TMEM132C: variants seen among roughly 807,000 people sequenced by gnomAD.
TMEM132C encodes the protein protein phosphatase 1, regulatory subunit 152.
A neutral mutation model predicts 61.4 loss-of-function variants in TMEM132C; 29 were observed. The ratio of observed to expected loss-of-function variants is 0.47; its 90% CI spans 0.35 to 0.64. The LOEUF is 0.64. TMEM132C is among the 30% of genes least tolerant of loss of function. The pLI is 0.00. For missense variants in TMEM132C, 1,408 were observed against 1,476.9 expected (o/e 0.95, Z 0.76); for synonymous variants, 656 against 633.1 (o/e 1.04, Z -0.54).
Position 128,513,447 on chromosome 12 carries a change from C to G in TMEM132C, c.975-30510C>G, listed in dbSNP as rs1872627536. 2.0e-5 allele frequency among the ~76,000 whole-genome samples: 3 copies of G among 152,282 alleles called. No individual in the cohort carries two copies. In the South Asian group the frequency reaches 6.2e-4, roughly 32 times the overall value. ...CTTAATTCCTTTGCCCTGCCCTCGT[C>G]AGGGAGAAAGGAATAATCCACAGTG... On this transcript the variant is annotated intron_variant, in intron 2 of 8. Transcript: ENST00000435159.
intron 7 of TMEM132C, 87 bp from the exon 8 acceptor site, chr12:128,697,137 T>C: frequency 8.0e-7 from 1 of 1,255,128 alleles, no homozygotes; most frequent in East Asian, 2.6e-5. Flanking sequence ...CTCAGGCCTG[T>C]TGGGATGGAA....
At chr12:128,471,357 T>A in intron 2 of TMEM132C, among the ~76,000 whole-genome samples, 1 of 152,126 alleles carries the variant, frequency 6.6e-6, no homozygotes, top group East Asian at 1.9e-4. Flanking sequence ...AGGCATTAAT[T>A]TAGGGAGGTG....
chr12:128,654,848 A>G (rs760738360), intron 4 of TMEM132C, among the ~76,000 whole-genome samples: 2 of 152,168 alleles, frequency 1.3e-5, no homozygotes, highest in East Asian at 1.9e-4. Flanking sequence ...CAGCCTCCCT[A>G]TGGATGGGCC....
chr12:128,347,643 G>A (rs2135959878), intron 1 of TMEM132C, among the ~76,000 whole-genome samples: 1 of 152,288 alleles, frequency 6.6e-6, no homozygotes, highest in Non-Finnish European at 1.5e-5. Context: ...GGTCAGGCTG[G>A]TCTTGAACTC....
At chr12:128,416,448 AT>A in intron 2 of TMEM132C, among the ~76,000 whole-genome samples, 1 of 152,370 alleles carries the variant, frequency 6.6e-6, no homozygotes, top group East Asian at 1.9e-4. Flanking sequence ...TGTTTAAAAA[AT>A]AAATGGGATA....
intron 5 of TMEM132C, among the ~76,000 whole-genome samples, chr12:128,686,099 T>TGTGTGTTGTGTGCGC (rs1566014990): frequency 1.3e-5 from 2 of 149,186 alleles, no homozygotes; most frequent in Non-Finnish European, 3.0e-5. Context: ...TGTGTGCGCA[T>TGTGTGTTGTGTGCGC]GTGTGTGCAT....
At chr12:128,298,282 G>T (rs563967909) in intron 1 of TMEM132C, among the ~76,000 whole-genome samples, 10 of 152,102 alleles carry the variant, frequency 6.6e-5, no homozygotes, top group Non-Finnish European at 1.2e-4. Context: ...AGGTTCTCCC[G>T]CCCTCTCCTC....
intron 2 of TMEM132C, among the ~76,000 whole-genome samples, chr12:128,538,079 C>T (rs1873597752): frequency 6.6e-6 from 1 of 151,878 alleles, no homozygotes; most frequent in Non-Finnish European, 1.5e-5. Flanking sequence ...TACAGGCACA[C>T]TCTGTCATAT....
chr12:128,367,416 G>C (rs1873902980), intron 1 of TMEM132C, among the ~76,000 whole-genome samples: 1 of 152,170 alleles, frequency 6.6e-6, no homozygotes, highest in Admixed American at 6.5e-5. Context: ...AGGTGTTTTT[G>C]GCAGCTTCAC....
chr12:128,527,268 C>T (rs1873117727), intron 2 of TMEM132C, among the ~76,000 whole-genome samples: 1 of 152,146 alleles, frequency 6.6e-6, no homozygotes, highest in Admixed American at 6.5e-5. Context: ...AAGAAAGTGG[C>T]CAGGATGTGA....
At chr12:128,327,068 C>T (rs992848327) in intron 1 of TMEM132C, among the ~76,000 whole-genome samples, 1 of 150,038 alleles carries the variant, frequency 6.7e-6, no homozygotes, top group Non-Finnish European at 1.5e-5. Context: ...GAGTCAGTGT[C>T]ATATCACACC....
chr12:128,434,530 C>A (rs1201171925), intron 2 of TMEM132C, among the ~76,000 whole-genome samples: 1 of 151,892 alleles, frequency 6.6e-6, no homozygotes, highest in East Asian at 1.9e-4. Flanking sequence ...TCAAGTGATC[C>A]GCCTGCCTCG....
Position 128,693,928 on chromosome 12 carries a change from C to T in TMEM132C, c.1549C>T (p.Leu517=), listed in dbSNP as rs770672112. 5 of 1,551,674 alleles carry T rather than the reference C, an allele frequency of 3.2e-6. No homozygotes were observed. The Admixed American group carries it at 7.8e-5, about 24-fold the overall frequency. ...NFTYQYLSAP[L]CVTVWVPRLP... ...CACATACCAGTACCTGAGCGCCCCC[C>T]TGTGTGTCACCGTGTGGGTGCCCCG... The change falls in exon 6 of 9, where the codon CTG becomes TTG. Residue 517 remains leucine, a synonymous_variant. Transcript: ENST00000435159.
chr12:128,665,785 ACACAGGCACACACACATT>A lies in TMEM132C; in HGVS notation c.1306-3604_1306-3587del, dbSNP rs1225121148. 8.5e-4 allele frequency among the ~76,000 whole-genome samples: 124 copies of A among 145,084 alleles called. 3 individuals carry two copies. The East Asian group carries it at 0.015, about 18-fold the overall frequency. On this transcript the variant is annotated intron_variant, in intron 4 of 8. Coordinates refer to ENST00000435159, the MANE Select transcript of TMEM132C (RefSeq NM_001136103.3). ...CTCATAAGCACACAGGCACTCACACACACAGGCACACACACATTCACAGGCACACACACATTCACAGGC... is the reference window on the plus strand; with the variant it reads ...CTCATAAGCACACAGGCACTCACACACACAGGCACACACACATTCACAGGC...
At chr12:128,539,479 G>A (rs1460465570) in intron 2 of TMEM132C, among the ~76,000 whole-genome samples, 4 of 152,172 alleles carry the variant, frequency 2.6e-5, no homozygotes, top group Non-Finnish European at 4.4e-5. Context: ...TTAGCTGGGC[G>A]TGGCGGTGGT....
At chr12:128,375,572 A>G (rs561556966) in intron 1 of TMEM132C, among the ~76,000 whole-genome samples, 5 of 152,080 alleles carry the variant, frequency 3.3e-5, no homozygotes, top group Admixed American at 2.6e-4. Context: ...TAAGGAAACA[A>G]GCCATTAGAT....
intron 2 of TMEM132C, among the ~76,000 whole-genome samples, chr12:128,478,955 G>C (rs1871240883): frequency 6.6e-6 from 1 of 152,196 alleles, no homozygotes; most frequent in African/African-American, 2.4e-5. Flanking sequence ...GACCTCATAA[G>C]GCTGGCCTAT....
chr12:128,430,417 T>G lies in TMEM132C; in HGVS notation c.974+14797T>G, dbSNP rs148216194. On this transcript the variant is annotated intron_variant, in intron 2 of 8. Coordinates refer to ENST00000435159, the MANE Select transcript of TMEM132C (RefSeq NM_001136103.3). ...TTACGTGACCTTAACCTTGCTTGAT[T>G]TGCAAACATAATGAGAACTTAACTG... is the stretch of plus-strand genomic sequence containing the variant. Among the ~76,000 whole-genome samples the G allele has an allele frequency of 7.0e-4, 107 of 152,302 alleles. 1 individual carries two copies. Among genetic ancestry groups the G allele is most frequent in the Non-Finnish European group, 1.3e-3 (89 of 68,030 alleles).
intron 2 of TMEM132C, among the ~76,000 whole-genome samples, chr12:128,493,625 G>A (rs539091239): frequency 1.3e-5 from 2 of 152,272 alleles, no homozygotes; most frequent in South Asian, 4.1e-4. Context: ...GCAAATTGGA[G>A]TTCACTCATG....
Sources: allele counts gnomAD v4.1 joint callset (sites outside exome capture counted in the v4.1 genomes callset), GRCh38; gene constraint gnomAD v4.1.1; transcripts MANE v1.5; gene names NCBI Gene and HGNC (gene_info 2026-07-23, HGNC 2026-07-21).